The following GSG1L variants were observed in gnomAD, a reference collection of about 807,000 sequenced individuals.
The protein encoded by GSG1L is germ cell-specific gene 1-like protein.
In GSG1L, 24 loss-of-function variants were observed where a neutral mutation model predicts 42.1. The ratio of observed to expected loss-of-function variants is 0.57; its 90% confidence interval spans 0.41 to 0.80. The LOEUF (loss-of-function observed/expected upper bound fraction) is 0.80, where lower values mean the gene tolerates loss of function less well. Ranked by LOEUF, GSG1L falls within the 30% of genes least tolerant of loss-of-function variation. GSG1L has a pLI of 0.00. For synonymous variants in GSG1L, 215 were observed against 203.5 expected (o/e 1.06, Z -0.48); for missense variants, 445 against 472.2 (o/e 0.94, Z 0.53).
At chr16:27,936,079 G>C (rs989671595) in intron 2 of GSG1L, among the ~76,000 whole-genome samples, 26 of 151,494 alleles carry the variant, frequency 1.7e-4, no homozygotes, top group Non-Finnish European at 1.9e-4. Context: ...CCTTCACCCA[G>C]CCTGCCTTTC....
chr16:28,023,241 A>G (rs1163317831), intron 1 of GSG1L, among the ~76,000 whole-genome samples: 1 of 152,106 alleles, frequency 6.6e-6, no homozygotes, highest in Non-Finnish European at 1.5e-5. Context: ...CTTTCTAAGC[A>G]CTGCTTTTTT....
At chr16:27,833,311 G>C (rs2083290646) in intron 4 of GSG1L, among the ~76,000 whole-genome samples, 1 of 151,846 alleles carries the variant, frequency 6.6e-6, no homozygotes, top group Non-Finnish European at 1.5e-5. Context: ...TATCTGTATT[G>C]GTCTATTTCT....
chr16:27,857,061 G>A (rs2140995939), intron 3 of GSG1L, among the ~76,000 whole-genome samples: 1 of 152,290 alleles, frequency 6.6e-6, no homozygotes, highest in East Asian at 1.9e-4. Flanking sequence ...AACTTTGGGG[G>A]CCCATGTGGA....
At chr16:27,910,154 G>A (rs1458032508) in intron 2 of GSG1L, among the ~76,000 whole-genome samples, 3 of 148,862 alleles carry the variant, frequency 2.0e-5, no homozygotes, top group Non-Finnish European at 3.0e-5. Flanking sequence ...GTAGACACGG[G>A]TTTTCACCAT....
chr16:27,953,443 C>T (rs1213459666), intron 2 of GSG1L, among the ~76,000 whole-genome samples: 1 of 152,088 alleles, frequency 6.6e-6, no homozygotes, highest in Non-Finnish European at 1.5e-5. Context: ...TGTTGATGAG[C>T]ATTGAGGAAT....
Position 28,063,001 on chromosome 16 carries a change from C to T in GSG1L, c.349+75G>A, listed in dbSNP as rs71377621. 0.21 allele frequency: 263,288 copies of T among 1,262,816 alleles called. 29,064 individuals carry two copies. Among genetic ancestry groups the T allele is most frequent in the African/African-American group, 0.36 (22,790 of 63,506 alleles). 78.2% of individuals were successfully genotyped at this position (1,262,816 alleles called of 1,614,324 possible). On this transcript the variant is annotated intron_variant, in intron 1 of 6. Transcript: ENST00000447459. This position sits in a 1 kb window ranked among gnomAD's most constrained non-coding sequence, Gnocchi z 5.8. ...GCGGCGGGAGGAGGGCGAACGGGTC[C>T]GGGGCTCGGGCCTCGATGGCCGCGC... is the stretch of plus-strand genomic sequence containing the variant.
intron 3 of GSG1L, among the ~76,000 whole-genome samples, chr16:27,849,104 G>A (rs1329048510): frequency 8.0e-5 from 12 of 149,720 alleles, no homozygotes; most frequent in Admixed American, 4.1e-4. Context: ...CAGGAGAATC[G>A]CTTAAACCTA....
chr16:28,063,195 G>A lies in GSG1L; in HGVS notation c.230C>T (p.Ser77Leu), dbSNP rs1179461144. ...PAAAAAAATA[S>L]GNGPPGGALY... The stretch of plus-strand genomic sequence containing the variant: ...CGCGCCGCCAGGGGGGCCGTTCCCC[G>A]AGGCGGTGGCGGCGGCGGCGGCGGC... Residue 77 changes from serine to leucine, a missense_variant, in exon 1 of 7, where the codon TCG (serine) becomes TTG (leucine). Physicochemically the swap from Ser to Leu is moderately radical, Grantham distance 145. Around this residue, in one of 3 missense-constraint regions of GSG1L, gnomAD observed 156 missense variants for 128.3 expected, o/e 1.22. Coordinates refer to ENST00000447459, the MANE Select transcript of GSG1L (RefSeq NM_001109763.2). This position sits in a 1 kb window ranked among gnomAD's most constrained non-coding sequence, Gnocchi z 5.8. 1 of 1,297,280 alleles carries A rather than the reference G, an allele frequency of 7.7e-7. No individual in the cohort carries two copies. 80.4% of individuals were successfully genotyped at this position (1,297,280 alleles called of 1,614,324 possible).
At chr16:27,838,446 G>T (rs1032611755) in intron 4 of GSG1L, among the ~76,000 whole-genome samples, 17 of 152,176 alleles carry the variant, frequency 1.1e-4, no homozygotes, top group Non-Finnish European at 1.9e-4. Context: ...TTCTGAACTG[G>T]CACACGGAGC....
At position 27,886,410 on chromosome 16, in the gene GSG1L, A is replaced by C. The variant is rs552695508; in HGVS notation, c.398-1772T>G. Among the ~76,000 whole-genome samples the C allele has an allele frequency of 3.6e-3, 549 of 152,366 alleles. 4 individuals carry two copies. Among genetic ancestry groups the C allele is most frequent in the Non-Finnish European group, 6.0e-3 (409 of 68,038 alleles). ...AGCCGAGATAGCACCACTGCACTCCAGCCAAGGCAACAGAGCGAGACTCCG... is the reference window on the plus strand; with the variant it reads ...AGCCGAGATAGCACCACTGCACTCCCGCCAAGGCAACAGAGCGAGACTCCG... On this transcript the variant is annotated intron_variant, in intron 2 of 6. Coordinates refer to ENST00000447459, the MANE Select transcript of GSG1L (RefSeq NM_001109763.2).
intron 1 of GSG1L, among the ~76,000 whole-genome samples, chr16:28,007,515 G>GTTGGTTGGTTGGTTGGTTGGT (rs151170153): frequency 2.6e-5 from 1 of 38,086 alleles, no homozygotes; most frequent in African/African-American, 1.7e-4. Flanking sequence ...TGGTTGGTTG[G>GTTGGTTGGTTGGTTGGTTGGT]TGGTTGGTTG....
intron 1 of GSG1L, among the ~76,000 whole-genome samples, chr16:28,051,528 G>C (rs1023996738): frequency 6.8e-6 from 1 of 146,504 alleles, no homozygotes; most frequent in Admixed American, 6.8e-5. Context: ...AAAAAAACAA[G>C]CTGCGTAGTG....
At chr16:27,917,138 A>G (rs2084466983) in intron 2 of GSG1L, among the ~76,000 whole-genome samples, 1 of 152,158 alleles carries the variant, frequency 6.6e-6, no homozygotes, top group South Asian at 2.1e-4. Context: ...CGGTGGCCCA[A>G]TATAATTTGC....
chr16:28,007,622 G>A (rs1292274879), intron 1 of GSG1L, among the ~76,000 whole-genome samples: 3 of 151,988 alleles, frequency 2.0e-5, no homozygotes, highest in Admixed American at 1.3e-4. Flanking sequence ...AGGTGATCCT[G>A]CCACCTCAAC....
rs539660184 is a variant in GSG1L, at chr16:27,822,058, G to A, written c.830+6731C>T. Among the ~76,000 whole-genome samples the A allele has an allele frequency of 1.5e-4, 23 of 148,754 alleles. No individual in the cohort carries two copies. The South Asian group carries it at 4.7e-3, about 30-fold the overall frequency. The stretch of plus-strand genomic sequence containing the variant: ...GCAGGGAGTGTATCTTATTTGCCCT[G>A]CACAGAGGGAGGTCTCTAACAGAGG... On this transcript the variant is annotated intron_variant, in intron 5 of 6. Transcript: ENST00000447459.
At chr16:27,812,860 C>T (rs1212614676) in intron 5 of GSG1L, among the ~76,000 whole-genome samples, 2 of 152,108 alleles carry the variant, frequency 1.3e-5, no homozygotes, top group Admixed American at 1.3e-4. Flanking sequence ...GCGATCTCAG[C>T]TCACTGCAAC....
rs373427270 is a variant in GSG1L at position 27,884,612 on chromosome 16, C to T, written c.424G>A (p.Glu142Lys). ...KGVLWLSVVS[E>K]VLYILLLVVG... The stretch of plus-strand genomic sequence containing the variant: ...ACCAGCAGCAGAATGTACAGCACCT[C>T]GGAGACCACAGACAGCCACAGGACC... Residue 142 changes from glutamate (E) to lysine (K), a missense_variant, in exon 3 of 7, where the codon GAG (glutamate) becomes AAG (lysine). This residue lies in a region of GSG1L where 149 missense variants were observed against 223.3 expected (regional missense o/e 0.67). Coordinates refer to ENST00000447459, the MANE Select transcript of GSG1L (RefSeq NM_001109763.2). The surrounding 1 kb of genome is among the most constrained non-coding windows in gnomAD (Gnocchi z 4.4). The T allele has an allele frequency of 7.5e-6, 12 of 1,600,236 alleles. No homozygotes were observed. The highest frequency in any genetic ancestry group is 2.3e-5 in the South Asian group (2 of 88,750).
intron 1 of GSG1L, among the ~76,000 whole-genome samples, chr16:27,988,903 G>A (rs1596678774): frequency 6.6e-6 from 1 of 151,460 alleles, no homozygotes; most frequent in South Asian, 2.1e-4. Flanking sequence ...AAATACAAAA[G>A]TTAGCCAGCC....
At chr16:27,924,251 G>A (rs141431182) in intron 2 of GSG1L, among the ~76,000 whole-genome samples, 155 of 151,380 alleles carry the variant, frequency 1.0e-3, no homozygotes, top group African/African-American at 3.5e-3. Context: ...ACCATTGATC[G>A]ATATATTAAA....
Sources: allele counts gnomAD v4.1 joint callset (sites outside exome capture counted in the v4.1 genomes callset), GRCh38; gene constraint gnomAD v4.1.1; regional missense constraint gnomAD v4.1.1; non-coding constraint Gnocchi (gnomAD v3.1); transcripts MANE v1.5; gene names NCBI Gene and HGNC (gene_info 2026-07-23, HGNC 2026-07-21).